SBF2: variants seen among roughly 807,000 people sequenced by gnomAD.
The protein encoded by SBF2 is myotubularin-related protein 13.
In SBF2, 112 loss-of-function variants were observed where a neutral mutation model predicts 225.2. The observed-to-expected ratio is 0.50, with a 90% CI of 0.43 to 0.58. The LOEUF is 0.58. SBF2 is among the 20% of genes least tolerant of loss of function. The pLI, the probability that SBF2 is intolerant of heterozygous loss-of-function variation, is 0.00. For missense variants in SBF2, 1,996 were observed against 2,206.2 expected, an observed-to-expected ratio of 0.90 and a Z score of 1.91; for synonymous variants, 763 against 773.3, an observed-to-expected ratio of 0.99 and a Z score of 0.22.
At chr11:9,948,715 A>T (rs1865696935) in intron 16 of SBF2, among the ~76,000 whole-genome samples, 1 of 152,170 alleles carries the variant, frequency 6.6e-6, no homozygotes, top group African/African-American at 2.4e-5. Flanking sequence ...CTCCCCTCAT[A>T]TACACATAGA....
At chr11:10,234,200 T>C (rs773751753) in intron 1 of SBF2, among the ~76,000 whole-genome samples, 4 of 152,206 alleles carry the variant, frequency 2.6e-5, no homozygotes, top group Non-Finnish European at 4.4e-5. Context: ...AAAACAGGTA[T>C]GCAGAGGATT....
chr11:10,172,046 G>T (rs1464091874), intron 2 of SBF2, among the ~76,000 whole-genome samples: 3 of 151,792 alleles, frequency 2.0e-5, no homozygotes, highest in Admixed American at 2.0e-4. Flanking sequence ...TTCTTACTCA[G>T]GCTAAAGGTT....
intron 13 of SBF2, among the ~76,000 whole-genome samples, chr11:9,969,176 A>G (rs1288287140): frequency 3.9e-5 from 6 of 152,190 alleles, no homozygotes; most frequent in Non-Finnish European, 8.8e-5. Flanking sequence ...CTTTAATGCC[A>G]TTCTCTAACA....
intron 26 of SBF2, 111 bp from the exon 27 acceptor site, chr11:9,832,531 C>T (rs963311892): frequency 5.4e-6 from 4 of 743,098 alleles, no homozygotes; most frequent in Non-Finnish European, 9.5e-6. Context: ...AAATTGAATA[C>T]TAATATCATA....
At chr11:10,078,840 C>T (rs1951241223) in intron 2 of SBF2, among the ~76,000 whole-genome samples, 1 of 152,030 alleles carries the variant, frequency 6.6e-6, no homozygotes, top group Admixed American at 6.6e-5. Context: ...TCTGTGTGAC[C>T]TCTACTACCA....
rs371861993 is a variant in SBF2 at position 9,998,258 on chromosome 11, T to C, written c.975+8A>G. On this transcript the variant is annotated splice_region_variant and intron_variant, in intron 9 of 39. Transcript: ENST00000256190. Reference sequence around the variant, plus strand: ...AGAGAAAGTTACTATTACAAAAATATGTCATACCAAAGAAAGAGCTGATTG... The same window carrying C: ...AGAGAAAGTTACTATTACAAAAATACGTCATACCAAAGAAAGAGCTGATTG... 4.1e-6 allele frequency: 6 copies of C among 1,470,810 alleles called. No homozygotes were observed. Among genetic ancestry groups the C allele is most frequent in the African/African-American group, 2.8e-5 (2 of 72,122 alleles). 91.1% of individuals were successfully genotyped at this position (1,470,810 alleles called of 1,614,324 possible).
At chr11:10,157,671 C>A (rs1392051124) in intron 2 of SBF2, among the ~76,000 whole-genome samples, 1 of 152,134 alleles carries the variant, frequency 6.6e-6, no homozygotes, top group Non-Finnish European at 1.5e-5. Flanking sequence ...ATAATTGTTT[C>A]ATTATATATT....
In SBF2 at chr11:10,173,936, C is replaced by T. The variant is rs560175802; in HGVS notation, c.141+19966G>A. Among the ~76,000 whole-genome samples, 141 of 152,092 alleles carry T rather than the reference C, an allele frequency of 9.3e-4. 1 individual carries two copies. The highest frequency in any genetic ancestry group is 2.9e-3 in the African/African-American group (122 of 41,478). On this transcript the variant is annotated intron_variant, in intron 2 of 39. Transcript: ENST00000256190. Reference sequence around the variant, plus strand: ...CACAGGGCCGGGTACTCCAACAGACCTGCAGCTGAGGGTCCTGTCTGTTAG... The same window carrying T: ...CACAGGGCCGGGTACTCCAACAGACTTGCAGCTGAGGGTCCTGTCTGTTAG...
chr11:10,192,338 T>C (rs1307499654), intron 2 of SBF2, among the ~76,000 whole-genome samples: 1 of 152,168 alleles, frequency 6.6e-6, no homozygotes, highest in African/African-American at 2.4e-5. Context: ...ATGGCTGAGT[T>C]ATAACAATCA....
chr11:10,278,298 T>C (rs1963122844), intron 1 of SBF2, among the ~76,000 whole-genome samples: 2 of 152,192 alleles, frequency 1.3e-5, no homozygotes, highest in Admixed American at 6.5e-5. Context: ...AAAATAAAAT[T>C]ATCAACTTAT....
chr11:9,823,522 G>A (rs1030984780), intron 28 of SBF2, among the ~76,000 whole-genome samples: 2 of 151,412 alleles, frequency 1.3e-5, no homozygotes, highest in African/African-American at 4.9e-5. Flanking sequence ...AAAAAAAGAA[G>A]AAGAAGAATT....
chr11:10,018,113 A>G (rs942963234), intron 6 of SBF2, among the ~76,000 whole-genome samples: 5 of 152,170 alleles, frequency 3.3e-5, no homozygotes, highest in Admixed American at 2.6e-4. Context: ...CAAGGAACAA[A>G]TAAGAGGGAA....
intron 6 of SBF2, among the ~76,000 whole-genome samples, chr11:10,008,231 A>G (rs1329222291): frequency 1.3e-5 from 2 of 152,200 alleles, no homozygotes; most frequent in Non-Finnish European, 2.9e-5. Flanking sequence ...AATGGCCTTA[A>G]TAGATCAAGG....
At chr11:10,023,949 TATC>T (rs751638333) in intron 6 of SBF2, among the ~76,000 whole-genome samples, 2 of 152,234 alleles carry the variant, frequency 1.3e-5, no homozygotes, top group Non-Finnish European at 1.5e-5. Flanking sequence ...TATACACAAA[TATC>T]ATCCAGAAAG....
chr11:10,095,493 G>A (rs1452869909), intron 2 of SBF2, among the ~76,000 whole-genome samples: 1 of 152,046 alleles, frequency 6.6e-6, no homozygotes, highest in Non-Finnish European at 1.5e-5. Flanking sequence ...AACTATGACA[G>A]TCTTATACAT....
chr11:10,206,672 A>G (rs952983827), intron 1 of SBF2, among the ~76,000 whole-genome samples: 2 of 152,172 alleles, frequency 1.3e-5, no homozygotes, highest in Admixed American at 1.3e-4. Context: ...CAGAAATTAT[A>G]AAACTAAAAA....
intron 2 of SBF2, among the ~76,000 whole-genome samples, chr11:10,119,844 C>T (rs1953351765): frequency 6.6e-6 from 1 of 152,058 alleles, no homozygotes; most frequent in Non-Finnish European, 1.5e-5. Context: ...ACCTGGGAGG[C>T]TTTTTAAATT....
chr11:9,918,432 A>T (rs1033250147), intron 16 of SBF2, among the ~76,000 whole-genome samples: 9 of 152,174 alleles, frequency 5.9e-5, no homozygotes, highest in Admixed American at 2.6e-4. Flanking sequence ...GGCTCACTGC[A>T]GCCTTGAACC....
chr11:9,897,223 C>T (rs1368831234), intron 16 of SBF2, among the ~76,000 whole-genome samples: 1 of 151,862 alleles, frequency 6.6e-6, no homozygotes, highest in African/African-American at 2.4e-5. Context: ...CATGCTACCA[C>T]ATGGACATTA....
Sources: gnomAD v4.1 joint callset for allele counts (sites outside exome capture counted in the v4.1 genomes callset) on GRCh38, gnomAD v4.1.1 for gene constraint, MANE v1.5 for transcripts, NCBI Gene and HGNC (gene_info 2026-07-23, HGNC 2026-07-21) for gene names.